Variants in VAX2 observed in about 807,000 individuals in gnomAD.
VAX2 encodes the protein ventral anterior homeobox 2.
VAX2 carries 8 observed loss-of-function variants against 12.5 expected under a neutral mutation model. The ratio of observed to expected loss-of-function variants is 0.64; its 90% confidence interval spans 0.37 to 1.15. The LOEUF (loss-of-function observed/expected upper bound fraction) is 1.15. VAX2 is among the 50% of genes most tolerant of loss of function. The pLI, the probability that VAX2 is intolerant of heterozygous loss-of-function variation, is 0.01. For synonymous variants in VAX2, 183 were observed against 187.6 expected, an observed-to-expected ratio of 0.98 and a Z score of 0.20; for missense variants, 476 against 412.9, an observed-to-expected ratio of 1.15 and a Z score of -1.32.
At position 70,921,303 on chromosome 2, in the gene VAX2, G is replaced by A. The variant is rs1679453287; in HGVS notation, c.435+18G>A. The A allele has an allele frequency of 1.9e-6, 3 of 1,584,066 alleles. No individual in the cohort carries two copies. The highest frequency in any genetic ancestry group is 2.3e-5 in the South Asian group (2 of 87,210). ...AGACCCAGGTAAGAGACCAGGGCCA[G>A]GCCACTCCACTCTTGTCCTGGCAGC... On this transcript the variant is annotated intron_variant, in intron 2 of 2. Coordinates refer to ENST00000234392, the MANE Select transcript of VAX2 (RefSeq NM_012476.3).
chr2:70,931,526 C>T (rs1553414310), intron 2 of VAX2, among the ~76,000 whole-genome samples: 1 of 152,206 alleles, frequency 6.6e-6, no homozygotes, highest in African/African-American at 2.4e-5. Flanking sequence ...TCACCATCCC[C>T]AGACAGGCAT....
chr2:70,930,034 G>T lies in VAX2; in HGVS notation c.436-2733G>T, dbSNP rs375902847. Among the ~76,000 whole-genome samples the T allele has an allele frequency of 1.8e-4, 27 of 152,256 alleles. No homozygotes were observed. In the East Asian group the frequency reaches 3.9e-3, roughly 22 times the overall value. ...GTCTCATAACTTTCTGGTCACTTTTGATTATTGAATCTGCATCCGCCAGGT... is the reference window on the plus strand; with the variant it reads ...GTCTCATAACTTTCTGGTCACTTTTTATTATTGAATCTGCATCCGCCAGGT... On this transcript the variant is annotated intron_variant, in intron 2 of 2. Coordinates refer to ENST00000234392, the MANE Select transcript of VAX2 (RefSeq NM_012476.3).
At chr2:70,930,361 A>T (rs1679666282) in intron 2 of VAX2, among the ~76,000 whole-genome samples, 1 of 152,168 alleles carries the variant, frequency 6.6e-6, no homozygotes, top group Admixed American at 6.5e-5. Context: ...AGGAAAGCAC[A>T]TCTCACATAG....
rs782207406 is a variant in VAX2 at position 70,932,963 on chromosome 2, C to A, written c.632C>A (p.Pro211His). 1 of 1,611,512 alleles carries A rather than the reference C, an allele frequency of 6.2e-7. No individual in the cohort carries two copies. The highest frequency in any genetic ancestry group is 8.5e-7 in the Non-Finnish European group (1 of 1,178,716). ...CTGACCCCTAGCCTGCCAGGCCTAC[C>A]TGCCAGCCACAGGGGCACCTCCTTA... ...LALTPSLPGL[P>H]ASHRGTSLGD... Residue 211 changes from proline to histidine, a missense_variant, in exon 3 of 3, where the codon CCT (proline) becomes CAT (histidine). Coordinates refer to ENST00000234392, the MANE Select transcript of VAX2 (RefSeq NM_012476.3).
Position 70,933,115 on chromosome 2 carries a change from TA to T in VAX2, c.785del (p.Tyr262SerfsTer14). 1 of 1,609,330 alleles carries T rather than the reference TA, an allele frequency of 6.2e-7. No individual in the cohort carries two copies. The highest frequency in any genetic ancestry group is 8.5e-7 in the Non-Finnish European group (1 of 1,178,126). On this transcript the variant is annotated frameshift_variant, in exon 3 of 3. Coordinates refer to ENST00000234392, the MANE Select transcript of VAX2 (RefSeq NM_012476.3). LOFTEE classifies it high-confidence loss of function. Reference protein sequence around the residue: ...SAPLLDLPAGYELGSSAFEPY... With the variant: ...SAPLLDLPAGXELGSSAFEPY... ...CCCGCTCCTGGATCTGCCTGCCGGC[TA>T]CGAACTGGGTTCCTCGGCCTTCGAG...
intron 2 of VAX2, among the ~76,000 whole-genome samples, chr2:70,931,136 A>C (rs1393471963): frequency 5.3e-5 from 8 of 152,144 alleles, no homozygotes; most frequent in Non-Finnish European, 1.0e-4. Flanking sequence ...CCCCCAGGGG[A>C]CTGAGCCTCA....
At chr2:70,931,037 CCTT>C (rs1387508152) in intron 2 of VAX2, among the ~76,000 whole-genome samples, 1 of 152,140 alleles carries the variant, frequency 6.6e-6, no homozygotes, top group African/African-American at 2.4e-5. Flanking sequence ...GCCAGTCTCT[CCTT>C]CTAGTGCCTA....
At chr2:70,909,387 G>C (rs537698444) in intron 1 of VAX2, among the ~76,000 whole-genome samples, 110 of 151,238 alleles carry the variant, frequency 7.3e-4, no homozygotes, top group African/African-American at 2.5e-3. Flanking sequence ...TTTTTAGTAG[G>C]GACAGGGTTT....
rs781851281 is a variant in VAX2, at chr2:70,933,024, G to A, written c.693G>A (p.Pro231=). Residue 231 remains proline (P), a synonymous_variant, in exon 3 of 3, where the codon CCG becomes CCA. Coordinates refer to ENST00000234392, the MANE Select transcript of VAX2 (RefSeq NM_012476.3). ...DPRNSSPRLN[P]LSSASASPPL... ...GGAACTCCTCCCCACGCCTCAACCC[G>A]CTGTCCTCGGCCTCAGCGTCCCCCC... 3.8e-6 allele frequency: 6 copies of A among 1,595,730 alleles called. No homozygotes were observed. In the African/African-American group the frequency reaches 4.0e-5, roughly 11 times the overall value.
intron 1 of VAX2, among the ~76,000 whole-genome samples, chr2:70,907,577 C>A (rs782176210): frequency 6.6e-6 from 1 of 152,222 alleles, no homozygotes; most frequent in East Asian, 1.9e-4. Context: ...CTTCCATTCC[C>A]CACTACTTGG....
intron 1 of VAX2, among the ~76,000 whole-genome samples, chr2:70,907,018 A>G (rs1679076619): frequency 6.6e-6 from 1 of 152,256 alleles, no homozygotes; most frequent in Admixed American, 6.5e-5. Context: ...GACAAAATTC[A>G]TCAACATGGC....
rs116446228 is a variant in VAX2, at chr2:70,919,371, T to C, written c.248-1727T>C. On this transcript the variant is annotated intron_variant, in intron 1 of 2. Transcript: ENST00000234392. The stretch of plus-strand genomic sequence containing the variant: ...AAAATGGGGATCATATAGTTCCAAA[T>C]TCATGGAGACATTGAGAAGGTTAAA... Among the ~76,000 whole-genome samples, 759 of 151,122 alleles carry C rather than the reference T, an allele frequency of 5.0e-3. 7 individuals are homozygous for C. The highest frequency in any genetic ancestry group is 0.017 in the African/African-American group (697 of 41,092).
intron 1 of VAX2, among the ~76,000 whole-genome samples, chr2:70,912,620 C>T (rs1238448558): frequency 2.0e-5 from 3 of 152,144 alleles, no homozygotes; most frequent in African/African-American, 4.8e-5. Context: ...TGAGATCACG[C>T]CGTTGCACTC....
intron 2 of VAX2, among the ~76,000 whole-genome samples, chr2:70,925,327 G>T (rs1260188321): frequency 2.0e-5 from 3 of 152,182 alleles, no homozygotes; most frequent in Non-Finnish European, 4.4e-5. Flanking sequence ...GTGGAGGAGA[G>T]AAGCGTACTA....
intron 1 of VAX2, among the ~76,000 whole-genome samples, chr2:70,912,068 T>C (rs1406573317): frequency 1.3e-5 from 2 of 152,228 alleles, no homozygotes; most frequent in Non-Finnish European, 2.9e-5. Flanking sequence ...CTAATAACCC[T>C]GTCTTTCCTC....
chr2:70,915,382 C>T (rs1374843315), intron 1 of VAX2, among the ~76,000 whole-genome samples: 1 of 152,008 alleles, frequency 6.6e-6, no homozygotes, highest in Non-Finnish European at 1.5e-5. Context: ...GTGCCTGCCA[C>T]CGCATCCAGC....
At chr2:70,921,022 CT>C in intron 1 of VAX2, 75 bp from the exon 2 acceptor site, 1 of 1,429,432 alleles carries the variant, frequency 7.0e-7, no homozygotes, top group Non-Finnish European at 9.2e-7. Flanking sequence ...ATCACACCAC[CT>C]TTTATTAAGA....
At chr2:70,921,356 T>C (rs782709827) in intron 2 of VAX2, 71 bp downstream of exon 2, 3 of 1,466,738 alleles carry the variant, frequency 2.0e-6, no homozygotes, top group Non-Finnish European at 2.7e-6. Context: ...TATGAGGCCC[T>C]GTGAGCTGCT....
intron 1 of VAX2, among the ~76,000 whole-genome samples, chr2:70,907,614 T>C (rs1412035711): frequency 6.6e-6 from 1 of 152,216 alleles, no homozygotes; most frequent in Non-Finnish European, 1.5e-5. Context: ...CCCGCGGAGC[T>C]GCGGAAGCCA....
Sources: gnomAD v4.1 joint callset for allele counts (sites outside exome capture counted in the v4.1 genomes callset) on GRCh38, gnomAD v4.1.1 for gene constraint, MANE v1.5 for transcripts, NCBI Gene and HGNC (gene_info 2026-07-23, HGNC 2026-07-21) for gene names.